Variants in EPB41L2 observed in about 807,000 individuals in gnomAD.
EPB41L2 encodes band 4.1-like protein 2.
EPB41L2 carries 43 observed loss-of-function variants against 113.0 expected under a neutral mutation model. The ratio of observed to expected loss-of-function variants is 0.38; its 90% CI spans 0.30 to 0.49. The LOEUF (loss-of-function observed/expected upper bound fraction) is 0.49, where lower values mean the gene tolerates loss of function less well. Among genes scored for constraint, EPB41L2 ranks in the 20% least tolerant of loss-of-function variants. The pLI, the probability that EPB41L2 is intolerant of heterozygous loss-of-function variation, is 0.95. For synonymous variants in EPB41L2, 442 were observed against 436.7 expected (o/e 1.01, Z -0.15); for missense variants, 1,147 against 1,223.4 (o/e 0.94, Z 0.93).
intron 18 of EPB41L2, chr6:130,858,471 G>C: frequency 2.3e-6 from 1 of 436,258 alleles, no homozygotes; most frequent in Non-Finnish European, 4.1e-6. Flanking sequence ...ATAATGACAC[G>C]TAGAGGAAAC....
At chr6:131,059,114 C>CTTTTT (rs1554361720) in intron 1 of EPB41L2, among the ~76,000 whole-genome samples, 11 of 131,376 alleles carry the variant, frequency 8.4e-5, no homozygotes, top group East Asian at 2.2e-4. Flanking sequence ...TTACCTATAA[C>CTTTTT]TTTTTTTTTT....
At chr6:130,944,208 A>ACACACAC (rs1811985797) in intron 3 of EPB41L2, among the ~76,000 whole-genome samples, 1 of 90,754 alleles carries the variant, frequency 1.1e-5, no homozygotes, top group East Asian at 6.3e-4. Context: ...CACACACACA[A>ACACACAC]ATGCCCAAAT....
chr6:131,024,492 G>A (rs1370675539), intron 1 of EPB41L2, among the ~76,000 whole-genome samples: 1 of 152,164 alleles, frequency 6.6e-6, no homozygotes, highest in African/African-American at 2.4e-5. Flanking sequence ...GCCATTCTAT[G>A]ACAGAAATGA....
intron 10 of EPB41L2, among the ~76,000 whole-genome samples, chr6:130,893,161 T>C (rs1165362941): frequency 1.3e-5 from 2 of 152,222 alleles, no homozygotes; most frequent in Non-Finnish European, 2.9e-5. Flanking sequence ...TAACCATATA[T>C]ACATATTTGT....
chr6:131,036,490 A>G (rs1378177828), intron 1 of EPB41L2, among the ~76,000 whole-genome samples: 1 of 152,212 alleles, frequency 6.6e-6, no homozygotes, highest in Non-Finnish European at 1.5e-5. Context: ...AAGGAAGAGT[A>G]AGAGGATGAA....
chr6:131,015,786 G>C (rs868261653), intron 1 of EPB41L2: 35 of 152,186 alleles, frequency 2.3e-4, no homozygotes, highest in African/African-American at 8.2e-4. Context: ...ACTGAAGAGG[G>C]ATAGAGTGAG....
intron 1 of EPB41L2, among the ~76,000 whole-genome samples, chr6:130,969,177 C>A (rs2128650568): frequency 6.6e-6 from 1 of 151,952 alleles, no homozygotes; most frequent in African/African-American, 2.4e-5. Flanking sequence ...CACCCACACC[C>A]ACGTTGCAAA....
At chr6:130,907,592 G>A (rs1020518661) in intron 5 of EPB41L2, among the ~76,000 whole-genome samples, 2 of 151,884 alleles carry the variant, frequency 1.3e-5, no homozygotes, top group African/African-American at 4.8e-5. Context: ...AATCAAAGAC[G>A]TTTTTAAAAA....
At chr6:131,031,259 A>G (rs1792091144) in intron 1 of EPB41L2, among the ~76,000 whole-genome samples, 1 of 152,198 alleles carries the variant, frequency 6.6e-6, no homozygotes. Flanking sequence ...ATGGTTAGAA[A>G]AGTAAGCAAA....
intron 3 of EPB41L2, among the ~76,000 whole-genome samples, chr6:130,930,117 C>T (rs1806305276): frequency 6.6e-6 from 1 of 152,112 alleles, no homozygotes; most frequent in Non-Finnish European, 1.5e-5. Flanking sequence ...AGCACCAAAA[C>T]ACCTATTTGT....
In EPB41L2 at chr6:130,941,149, T is replaced by C. The variant is rs3777460; in HGVS notation, c.705+13956A>G. Reference sequence around the variant, plus strand: ...CTATTTTGAGAGGAAATTTGTAAAATAGTGTGAAAATATGACTTCCTTAAC... The same window carrying C: ...CTATTTTGAGAGGAAATTTGTAAAACAGTGTGAAAATATGACTTCCTTAAC... On this transcript the variant is annotated intron_variant, in intron 3 of 19. Transcript: ENST00000337057. Among the ~76,000 whole-genome samples, 490 of 152,318 alleles carry C rather than the reference T, an allele frequency of 3.2e-3. 9 individuals are homozygous for C. Among genetic ancestry groups the C allele is most frequent in the Admixed American group, 0.024 (370 of 15,302 alleles).
chr6:131,025,203 T>TC (rs1032734551), intron 1 of EPB41L2, among the ~76,000 whole-genome samples: 9 of 152,138 alleles, frequency 5.9e-5, no homozygotes, highest in Admixed American at 2.0e-4. Flanking sequence ...AAGGCCTGTT[T>TC]CCCCCCCGGT....
chr6:130,885,991 C>CA (rs1468467130), intron 11 of EPB41L2, among the ~76,000 whole-genome samples: 1 of 152,114 alleles, frequency 6.6e-6, no homozygotes, highest in East Asian at 1.9e-4. Context: ...TAGTGCAGAT[C>CA]AAACCAAGAC....
intron 12 of EPB41L2, among the ~76,000 whole-genome samples, chr6:130,884,712 C>T (rs1790377293): frequency 6.6e-6 from 1 of 152,162 alleles, no homozygotes; most frequent in African/African-American, 2.4e-5. Context: ...TAAAGATTAT[C>T]TTTGGTGATG....
chr6:130,993,451 T>C (rs905409166), intron 1 of EPB41L2, among the ~76,000 whole-genome samples: 2 of 152,202 alleles, frequency 1.3e-5, no homozygotes, highest in African/African-American at 4.8e-5. Flanking sequence ...CAAGGCGGTG[T>C]GTAGCAACAC....
intron 3 of EPB41L2, among the ~76,000 whole-genome samples, chr6:130,928,681 C>G (rs574008809): frequency 2.0e-5 from 3 of 152,338 alleles, no homozygotes; most frequent in Non-Finnish European, 4.4e-5. Context: ...AACATCCACA[C>G]AGCTCACCAC....
intron 1 of EPB41L2, among the ~76,000 whole-genome samples, chr6:131,045,371 A>ATGAATATTT (rs1220971235): frequency 3.9e-5 from 4 of 102,994 alleles, no homozygotes; most frequent in Admixed American, 1.9e-4. Context: ...ATTCATTTAA[A>ATGAATATTT]AATGATGAGA....
At position 130,935,889 on chromosome 6, in the gene EPB41L2, T is replaced by G. The variant is rs556759649; in HGVS notation, c.706-9180A>C. Reference sequence around the variant, plus strand: ...ATTCCCACTCCTCACATTTACATTCTAGCTCCACAACAAACCCAAAGCCAA... The same window carrying G: ...ATTCCCACTCCTCACATTTACATTCGAGCTCCACAACAAACCCAAAGCCAA... On this transcript the variant is annotated intron_variant, in intron 3 of 19. Transcript: ENST00000337057. 2.1e-4 allele frequency among the ~76,000 whole-genome samples: 32 copies of G among 152,234 alleles called. No individual in the cohort carries two copies. In the South Asian group the frequency reaches 4.8e-3, roughly 23 times the overall value.
chr6:130,879,775 C>A (rs1409829297), intron 13 of EPB41L2, among the ~76,000 whole-genome samples: 1 of 152,204 alleles, frequency 6.6e-6, no homozygotes, highest in East Asian at 1.9e-4. Context: ...ATAAACAAAT[C>A]TCTGTTCTAG....
Sources: gnomAD v4.1 joint callset for allele counts (sites outside exome capture counted in the v4.1 genomes callset) on GRCh38, gnomAD v4.1.1 for gene constraint, MANE v1.5 for transcripts, NCBI Gene and HGNC (gene_info 2026-07-23, HGNC 2026-07-21) for gene names.